The following RHOT1 variants were observed in gnomAD, a reference collection of about 807,000 sequenced individuals.
RHOT1 encodes the protein mitochondrial Rho GTPase 1.
RHOT1 carries 27 observed loss-of-function variants against 95.3 expected under a neutral mutation model. The ratio of observed to expected loss-of-function variants is 0.28; its 90% CI spans 0.21 to 0.39. The LOEUF (loss-of-function observed/expected upper bound fraction) is 0.39, where lower values mean the gene tolerates loss of function less well. Among genes scored for constraint, RHOT1 ranks in the 10% least tolerant of loss-of-function variants. The pLI is 1.00. For missense variants in RHOT1, 578 were observed against 786.7 expected (o/e 0.73, Z 3.17); for synonymous variants, 227 against 263.5 (o/e 0.86, Z 1.34).
intron 8 of RHOT1, among the ~76,000 whole-genome samples, chr17:32,186,780 C>A (rs1182327417): frequency 9.9e-5 from 15 of 152,094 alleles, no homozygotes; most frequent in African/African-American, 3.6e-4. Flanking sequence ...TCCCACTCAG[C>A]CTCCTAAGTA....
At chr17:32,191,711 T>C (rs979775531) in intron 8 of RHOT1, among the ~76,000 whole-genome samples, 16 of 152,188 alleles carry the variant, frequency 1.1e-4, no homozygotes, top group African/African-American at 3.1e-4. Flanking sequence ...AGTGATAATT[T>C]TGCCACTTGT....
chr17:32,151,240 C>G, intron 1 of RHOT1: 2 of 723,958 alleles, frequency 2.8e-6, no homozygotes, highest in African/African-American at 1.7e-5. Flanking sequence ...GTTCTTTATA[C>G]TGTTGGCGGG....
At chr17:32,184,833 T>A (rs1486612900) in intron 8 of RHOT1, among the ~76,000 whole-genome samples, 1 of 152,144 alleles carries the variant, frequency 6.6e-6, no homozygotes, top group African/African-American at 2.4e-5. Flanking sequence ...TATCCCCATA[T>A]CTGTTGATGC....
At position 32,171,044 on chromosome 17, in the gene RHOT1, T is replaced by C. The variant is rs2034532254; in HGVS notation, c.39T>C (p.Pro13=). Residue 13 remains proline (P), a splice_region_variant and synonymous_variant, in exon 2 of 20, where the codon CCT becomes CCC. Coordinates refer to ENST00000545287, the MANE Select transcript of RHOT1 (RefSeq NM_001033566.3). ...AAGTAACGATTTTTCTTTTCACAGC[T>C]AGAGTTGGGAAGACATCACTGATTA... ...KDVRILLVGE[P]RVGKTSLIMS... 6.2e-7 allele frequency: 1 copy of C among 1,601,938 alleles called. No individual in the cohort carries two copies. The highest frequency in any genetic ancestry group is 1.1e-5 in the South Asian group (1 of 89,042).
At position 32,211,041 on chromosome 17, in the gene RHOT1, T is replaced by A. The variant is rs1567725375; in HGVS notation, c.1740-75T>A. 3.5e-6 allele frequency: 5 copies of A among 1,421,704 alleles called. No individual in the cohort carries two copies. The African/African-American group carries it at 4.3e-5, about 12-fold the overall frequency. 88.1% of individuals were successfully genotyped at this position (1,421,704 alleles called of 1,614,324 possible). A position where few individuals can be genotyped will look rare whatever the true frequency, so the allele number is the denominator to read the frequency against. On this transcript the variant is annotated intron_variant, in intron 18 of 19. Transcript: ENST00000545287. ...TGCTTATGCCTAAGTCTTTTTTTTT[T>A]AAGTTGGCACACCCTGACTTGTGCC... is the stretch of plus-strand genomic sequence containing the variant.
chr17:32,181,426 A>G (rs2035624240), intron 6 of RHOT1, among the ~76,000 whole-genome samples: 2 of 152,156 alleles, frequency 1.3e-5, no homozygotes, highest in Admixed American at 6.5e-5. Flanking sequence ...CATCTAACCT[A>G]TCAGCTGTTT....
chr17:32,186,923 A>G (rs941224251), intron 8 of RHOT1, among the ~76,000 whole-genome samples: 8 of 152,148 alleles, frequency 5.3e-5, no homozygotes, highest in Middle Eastern at 3.4e-3. Flanking sequence ...CAGCTTTTCG[A>G]GTAGCTGCCT....
intron 1 of RHOT1, among the ~76,000 whole-genome samples, chr17:32,170,210 T>C (rs768782835): frequency 4.6e-5 from 7 of 152,028 alleles, no homozygotes; most frequent in Non-Finnish European, 5.9e-5. Flanking sequence ...AGGTCAGGGG[T>C]TCGAGACCAG....
At chr17:32,192,332 CTT>C (rs397857197) in intron 9 of RHOT1, 33 bp downstream of exon 9, 53,589 of 513,962 alleles carry the variant, frequency 0.1, 3 homozygotes, top group Middle Eastern at 0.14. Flanking sequence ...ATTTGCGTAT[CTT>C]TTTTTTTTTT....
chr17:32,160,001 T>A (rs988205152), intron 1 of RHOT1: 3 of 152,276 alleles, frequency 2.0e-5, no homozygotes, highest in Admixed American at 1.3e-4. Context: ...CTTCTTCCCC[T>A]CTGAGGCCCA....
chr17:32,185,211 A>C (rs2035945857), intron 8 of RHOT1, among the ~76,000 whole-genome samples: 1 of 152,056 alleles, frequency 6.6e-6, no homozygotes, highest in African/African-American at 2.4e-5. Context: ...CCCAGGTTCA[A>C]GTGATTCTCC....
chr17:32,157,452 T>C (rs1461402056), intron 1 of RHOT1, among the ~76,000 whole-genome samples: 1 of 152,194 alleles, frequency 6.6e-6, no homozygotes, highest in Non-Finnish European at 1.5e-5. Context: ...TAAGAAGTCC[T>C]TCAGGAGATC....
intron 1 of RHOT1, among the ~76,000 whole-genome samples, chr17:32,161,201 T>TG (rs1179947241): frequency 6.6e-6 from 1 of 151,976 alleles, no homozygotes; most frequent in East Asian, 1.9e-4. Flanking sequence ...GTTTGGTGGG[T>TG]GGGGGCTAGA....
chr17:32,177,769 A>AAG, intron 6 of RHOT1, among the ~76,000 whole-genome samples: 1 of 150,088 alleles, frequency 6.7e-6, no homozygotes, highest in Non-Finnish European at 1.5e-5. Flanking sequence ...AAAAAAAAAA[A>AAG]GAGCCCCATC....
At chr17:32,206,142 G>A (rs562657664) in intron 16 of RHOT1, among the ~76,000 whole-genome samples, 1 of 151,086 alleles carries the variant, frequency 6.6e-6, no homozygotes, top group East Asian at 1.9e-4. Context: ...TGCATGTAGA[G>A]GGCCTGCCCC....
At chr17:32,143,412 A>G (rs890772843) in intron 1 of RHOT1, among the ~76,000 whole-genome samples, 2 of 152,166 alleles carry the variant, frequency 1.3e-5, no homozygotes, top group African/African-American at 2.4e-5. Flanking sequence ...TTTTTACTCA[A>G]CTTCGAGTTA....
intron 8 of RHOT1, among the ~76,000 whole-genome samples, chr17:32,183,835 G>A (rs773995245): frequency 6.0e-4 from 91 of 152,180 alleles, no homozygotes; most frequent in Middle Eastern, 6.8e-3. Context: ...ACAGGCATGC[G>A]CCACCATGCC....
At chr17:32,200,562 C>G (rs2037236658) in intron 13 of RHOT1, among the ~76,000 whole-genome samples, 1 of 151,836 alleles carries the variant, frequency 6.6e-6, no homozygotes, top group South Asian at 2.1e-4. Context: ...AGTTCAAGAC[C>G]AGCCTAAGCA....
At chr17:32,185,435 C>T (rs778650946) in intron 8 of RHOT1, among the ~76,000 whole-genome samples, 8 of 151,560 alleles carry the variant, frequency 5.3e-5, no homozygotes, top group Admixed American at 5.3e-4. Context: ...TGGGTCAGGG[C>T]CTTACTCTAT....
Sources: allele counts gnomAD v4.1 joint callset (sites outside exome capture counted in the v4.1 genomes callset), GRCh38; gene constraint gnomAD v4.1.1; transcripts MANE v1.5; gene names NCBI Gene and HGNC (gene_info 2026-07-23, HGNC 2026-07-21).